COL24A1: variants seen among roughly 807,000 people sequenced by gnomAD.
The protein encoded by COL24A1 is collagen type XXIV alpha 1 chain, also known as collagen alpha-1(XXIV) chain.
Under a neutral mutation model 253.9 loss-of-function variants are expected in COL24A1, and 224 were observed. The observed-to-expected ratio is 0.88, with a 90% CI of 0.79 to 0.99. COL24A1 has a LOEUF of 0.99. COL24A1 is among the 50% of genes least tolerant of loss of function. The probability of loss-of-function intolerance (pLI) is 0.00; values close to 1 mark genes in which losing one functional copy is unlikely to be tolerated. For synonymous variants in COL24A1, 685 were observed against 673.7 expected (o/e 1.02, Z -0.26); for missense variants, 2,131 against 2,068.5 (o/e 1.03, Z -0.59).
chr1:85,847,417 T>A (rs1351596438), intron 39 of COL24A1, among the ~76,000 whole-genome samples: 1 of 152,244 alleles, frequency 6.6e-6, no homozygotes, highest in Non-Finnish European at 1.5e-5. Context: ...TCTTACTTTT[T>A]AAAACCTCAT....
intron 14 of COL24A1, among the ~76,000 whole-genome samples, chr1:86,024,981 G>GA (rs147236055): frequency 0.098 from 14,837 of 151,766 alleles, 804 homozygotes; most frequent in Middle Eastern, 0.18. Context: ...GACTCTACAT[G>GA]AAAAAATCAC....
intron 28 of COL24A1, among the ~76,000 whole-genome samples, chr1:85,897,378 C>T (rs1441786554): frequency 6.6e-6 from 1 of 151,488 alleles, no homozygotes; most frequent in Non-Finnish European, 1.5e-5. Flanking sequence ...CAAACCTGCA[C>T]CTCCTGTACA....
intron 7 of COL24A1, among the ~76,000 whole-genome samples, chr1:86,079,282 T>C (rs892096751): frequency 2.6e-5 from 4 of 152,146 alleles, no homozygotes; most frequent in African/African-American, 7.2e-5. Context: ...CCCTATCTCT[T>C]GCCTTGTACA....
chr1:85,768,447 C>T (rs1261715713), intron 53 of COL24A1, among the ~76,000 whole-genome samples: 1 of 151,892 alleles, frequency 6.6e-6, no homozygotes. Flanking sequence ...AACCGGGAGT[C>T]CAGGAGGGAT....
Position 85,937,029 on chromosome 1 carries a change from A to C in COL24A1, c.2562+24220T>G, listed in dbSNP as rs548912713. Among the ~76,000 whole-genome samples, 6 of 147,472 alleles carry C rather than the reference A, an allele frequency of 4.1e-5. 1 individual carries two copies. The East Asian group carries it at 6.4e-4, about 16-fold the overall frequency. ...ATATGAGCAACACAGAGGCACAAGC[A>C]GACTGCATAAGCAAGTTGTCCATAT... On this transcript the variant is annotated intron_variant, in intron 24 of 59. Transcript: ENST00000370571.
chr1:86,139,437 C>A (rs957967685), intron 2 of COL24A1, among the ~76,000 whole-genome samples: 9 of 152,034 alleles, frequency 5.9e-5, no homozygotes, highest in African/African-American at 2.2e-4. Context: ...TTAAATGTGT[C>A]AATATTCAGC....
chr1:86,042,706 A>G (rs1477789412), intron 12 of COL24A1, among the ~76,000 whole-genome samples: 1 of 152,154 alleles, frequency 6.6e-6, no homozygotes, highest in Admixed American at 6.5e-5. Flanking sequence ...ATTCATGACA[A>G]CTTAATTCCG....
chr1:86,043,676 C>T (rs535033323), intron 12 of COL24A1, among the ~76,000 whole-genome samples: 1 of 152,184 alleles, frequency 6.6e-6, no homozygotes, highest in African/African-American at 2.4e-5. Flanking sequence ...TACAGGCACA[C>T]ACCACCACGC....
Position 85,961,290 on chromosome 1 carries a change from C to T in COL24A1, c.2521G>A (p.Glu841Lys). 1 of 1,601,934 alleles carries T rather than the reference C, an allele frequency of 6.2e-7. No homozygotes were observed. The highest frequency in any genetic ancestry group is 8.5e-7 in the Non-Finnish European group (1 of 1,170,670). The change falls in exon 24 of 60, where the codon GAA becomes AAA. Residue 841 changes from glutamate to lysine, a missense_variant. Coordinates refer to ENST00000370571, the MANE Select transcript of COL24A1 (RefSeq NM_152890.7). ...CCAATATTTCCTTGATCTCCTACTT[C>T]TCCCTGTCAAAAAAGAATATAAAGT... is the stretch of plus-strand genomic sequence containing the variant. ...GEPGPEGLKG[E>K]VGDQGNIGKI...
intron 7 of COL24A1, among the ~76,000 whole-genome samples, chr1:86,069,415 T>C (rs1241466868): frequency 6.6e-6 from 1 of 152,110 alleles, no homozygotes; most frequent in Non-Finnish European, 1.5e-5. Flanking sequence ...TGTATTATGG[T>C]TTGAATGGGA....
At chr1:85,918,129 GTT>G (rs542426672) in intron 24 of COL24A1, among the ~76,000 whole-genome samples, 4 of 143,260 alleles carry the variant, frequency 2.8e-5, no homozygotes, top group Non-Finnish European at 3.1e-5. Context: ...TGTGGTTTTT[GTT>G]TTTTTTTTTG....
intron 24 of COL24A1, among the ~76,000 whole-genome samples, chr1:85,922,582 G>A (rs1208418875): frequency 4.6e-5 from 7 of 152,202 alleles, no homozygotes; most frequent in Non-Finnish European, 1.0e-4. Flanking sequence ...CTTCATAGGT[G>A]AAGGAGAAAT....
intron 24 of COL24A1, among the ~76,000 whole-genome samples, chr1:85,915,377 A>T (rs1445560645): frequency 6.6e-6 from 1 of 152,104 alleles, no homozygotes; most frequent in African/African-American, 2.4e-5. Context: ...AGGCCTTTGA[A>T]CTCGGACTGG....
intron 2 of COL24A1, among the ~76,000 whole-genome samples, chr1:86,145,726 C>G (rs1203958996): frequency 1.3e-5 from 2 of 151,936 alleles, no homozygotes; most frequent in Non-Finnish European, 2.9e-5. Flanking sequence ...CATTTTGTTT[C>G]TTAATGATGC....
chr1:86,034,539 T>C (rs1195227121), intron 12 of COL24A1, among the ~76,000 whole-genome samples: 1 of 152,124 alleles, frequency 6.6e-6, no homozygotes, highest in Admixed American at 6.6e-5. Flanking sequence ...AGAGTCCATG[T>C]TTTTCAACTA....
At chr1:85,966,769 A>T (rs1426365883) in intron 22 of COL24A1, among the ~76,000 whole-genome samples, 1 of 152,150 alleles carries the variant, frequency 6.6e-6, no homozygotes, top group Non-Finnish European at 1.5e-5. Flanking sequence ...TATTTATCAG[A>T]TCATTTGTAT....
intron 11 of COL24A1, 116 bp from the exon 12 acceptor site, chr1:86,046,985 T>C: frequency 2.8e-6 from 2 of 712,732 alleles, no homozygotes; most frequent in Non-Finnish European, 5.0e-6. Flanking sequence ...CAAATTGTTC[T>C]ATAAACTGAT....
At chr1:85,905,890 A>G (rs976231352) in intron 28 of COL24A1, among the ~76,000 whole-genome samples, 1 of 152,070 alleles carries the variant, frequency 6.6e-6, no homozygotes, top group South Asian at 2.1e-4. Flanking sequence ...TCTTTTTTTC[A>G]TCTGTCACAA....
intron 10 of COL24A1, among the ~76,000 whole-genome samples, chr1:86,056,806 A>G (rs1350350504): frequency 6.6e-6 from 1 of 151,574 alleles, no homozygotes; most frequent in African/African-American, 2.4e-5. Flanking sequence ...GTGAGCCTAG[A>G]CTGTGCCATT....
Sources: allele counts gnomAD v4.1 joint callset (sites outside exome capture counted in the v4.1 genomes callset), GRCh38; gene constraint gnomAD v4.1.1; transcripts MANE v1.5; gene names NCBI Gene and HGNC (gene_info 2026-07-23, HGNC 2026-07-21).